The following FAM168A variants were observed in gnomAD, a reference collection of about 807,000 sequenced individuals.
FAM168A encodes the protein protein FAM168A.
FAM168A carries 3 observed loss-of-function variants against 28.5 expected under a neutral mutation model. That is an observed-to-expected ratio of 0.11 (90% CI 0.05 to 0.27). FAM168A has a LOEUF of 0.27. FAM168A is among the 10% of genes least tolerant of loss of function. The probability of loss-of-function intolerance (pLI) is 1.00; values close to 1 mark genes in which losing one functional copy is unlikely to be tolerated. For missense variants in FAM168A, 222 were observed against 311.5 expected, an observed-to-expected ratio of 0.71 and a Z score of 2.16; for synonymous variants, 122 against 124.2, an observed-to-expected ratio of 0.98 and a Z score of 0.12.
At chr11:73,544,973 A>G (rs58223215) in intron 1 of FAM168A, among the ~76,000 whole-genome samples, 5 of 92,198 alleles carry the variant, frequency 5.4e-5, no homozygotes, top group Non-Finnish European at 9.2e-5. Context: ...AATATATATT[A>G]TATAATATAT....
chr11:73,457,824 A>G (rs1187294039), intron 2 of FAM168A, among the ~76,000 whole-genome samples: 1 of 151,784 alleles, frequency 6.6e-6, no homozygotes, highest in Non-Finnish European at 1.5e-5. Flanking sequence ...AGCATAATAA[A>G]CTTTTCATAA....
At chr11:73,585,871 C>CAAAAAAAAAAAAAAAAAAAAAAAAAAAAA (rs11358691) in intron 1 of FAM168A, among the ~76,000 whole-genome samples, 1 of 81,658 alleles carries the variant, frequency 1.2e-5, no homozygotes. Context: ...CCATCTCAAA[C>CAAAAAAAAAAAAAAAAAAAAAAAAAAAAA]AAAAAAAAAA....
chr11:73,522,188 G>T (rs1943389189), intron 1 of FAM168A, among the ~76,000 whole-genome samples: 1 of 101,632 alleles, frequency 9.8e-6, no homozygotes. Flanking sequence ...CTATAAAGGG[G>T]TATCTCTAGT....
At chr11:73,562,991 A>C (rs1236262646) in intron 1 of FAM168A, among the ~76,000 whole-genome samples, 1 of 152,216 alleles carries the variant, frequency 6.6e-6, no homozygotes, top group Non-Finnish European at 1.5e-5. Flanking sequence ...CATAATATAT[A>C]GTATCCTCGT....
At chr11:73,410,818 T>TG (rs1353037530) in intron 5 of FAM168A, 1 of 152,406 alleles carries the variant, frequency 6.6e-6, no homozygotes, top group East Asian at 1.9e-4. Context: ...GAGCCCCATA[T>TG]GGTCCCCTCT....
chr11:73,536,886 A>G (rs578233678), intron 1 of FAM168A, among the ~76,000 whole-genome samples: 1 of 152,318 alleles, frequency 6.6e-6, no homozygotes, highest in Non-Finnish European at 1.5e-5. Context: ...TGAGTGTTCC[A>G]ATGAAGGCAC....
At chr11:73,596,694 C>T (rs1944442285) in intron 1 of FAM168A, among the ~76,000 whole-genome samples, 1 of 152,004 alleles carries the variant, frequency 6.6e-6, no homozygotes, top group South Asian at 2.1e-4. Flanking sequence ...TCTTGGAGGC[C>T]ACCCCAATCC....
chr11:73,587,600 G>A (rs1944330940), intron 1 of FAM168A, among the ~76,000 whole-genome samples: 1 of 152,156 alleles, frequency 6.6e-6, no homozygotes, highest in Non-Finnish European at 1.5e-5. Context: ...GAGGCAGGAG[G>A]AGCACTTGGT....
chr11:73,435,028 G>A (rs1396549399), intron 2 of FAM168A, among the ~76,000 whole-genome samples: 4 of 152,194 alleles, frequency 2.6e-5, no homozygotes, highest in African/African-American at 4.8e-5. Context: ...CTGGTATTCT[G>A]ACTGACAATG....
intron 1 of FAM168A, among the ~76,000 whole-genome samples, chr11:73,572,197 G>A (rs1166988122): frequency 1.3e-5 from 2 of 151,686 alleles, no homozygotes; most frequent in Non-Finnish European, 2.9e-5. Flanking sequence ...GCCCCGTCCG[G>A]GAGGGAGGTC....
intron 1 of FAM168A, among the ~76,000 whole-genome samples, chr11:73,496,414 C>CACCA (rs1565270668): frequency 6.6e-6 from 1 of 152,196 alleles, no homozygotes; most frequent in Admixed American, 6.5e-5. Flanking sequence ...ATTACCTTTG[C>CACCA]ACCAACCTTT....
In FAM168A at chr11:73,405,338, GGAAAAGAGCAGAAACAGGAGCCCAGA is replaced by G. The variant is rs1236421890; in HGVS notation, c.*1399_*1424del. ...AACCCCCGCCTTTGGAGTCCGTGGA[GGAAAAGAGCAGAAACAGGAGCCCAGA>G]GACCATTCCAGACTCACCAGGTATG... On this transcript the variant is annotated 3_prime_UTR_variant, in exon 8 of 8. Coordinates refer to ENST00000356467, the MANE Select transcript of FAM168A (RefSeq NM_015159.3). 6.6e-6 allele frequency: 1 copy of G among 152,206 alleles called. No individual in the cohort carries two copies. The highest frequency in any genetic ancestry group is 2.4e-5 in the African/African-American group (1 of 41,432). The allele number at this position is 152,206 out of a possible 1,614,324, so 9.4% of individuals were successfully genotyped here.
chr11:73,464,187 T>TAA lies in FAM168A; in HGVS notation c.70+4216_70+4217dup, dbSNP rs60981662. ...AAAAACTATCTTCCAGAATTGTTAT[T>TAA]AAAAAAAAAAAAAACACATACGAAG... On this transcript the variant is annotated intron_variant, in intron 2 of 7. Transcript: ENST00000356467. Among the ~76,000 whole-genome samples the TAA allele has an allele frequency of 7.5e-3, 1,027 of 136,572 alleles. 14 individuals are homozygous for TAA. Among genetic ancestry groups the TAA allele is most frequent in the African/African-American group, 0.025 (955 of 37,716 alleles). 89.6% of individuals were successfully genotyped at this position (136,572 alleles called of 152,430 possible).
At chr11:73,410,762 T>G (rs1185146823) in intron 5 of FAM168A, 2 of 152,252 alleles carry the variant, frequency 1.3e-5, no homozygotes, top group Non-Finnish European at 2.9e-5. Flanking sequence ...TCACCACTTA[T>G]GTTTCCTATA....
chr11:73,428,065 CATCT>C (rs1203618676), intron 3 of FAM168A, among the ~76,000 whole-genome samples: 1 of 152,212 alleles, frequency 6.6e-6, no homozygotes, highest in Non-Finnish European at 1.5e-5. Flanking sequence ...ATTCTAAGCA[CATCT>C]ATCTGTGACC....
chr11:73,527,704 G>A (rs1943465419), intron 1 of FAM168A, among the ~76,000 whole-genome samples: 1 of 151,942 alleles, frequency 6.6e-6, no homozygotes, highest in South Asian at 2.1e-4. Flanking sequence ...AGGGGGTTTT[G>A]CCCAGGTGGG....
intron 1 of FAM168A, among the ~76,000 whole-genome samples, chr11:73,477,477 A>C (rs1315716354): frequency 6.6e-6 from 1 of 152,166 alleles, no homozygotes; most frequent in African/African-American, 2.4e-5. Context: ...CACATATTAA[A>C]CTACACATCC....
intron 3 of FAM168A, among the ~76,000 whole-genome samples, chr11:73,425,633 T>A (rs1866873355): frequency 1.3e-5 from 2 of 152,374 alleles, no homozygotes; most frequent in Admixed American, 1.3e-4. Flanking sequence ...CAGGCTGGAA[T>A]GCAGTGGTGC....
At chr11:73,538,871 C>T (rs1943616924) in intron 1 of FAM168A, among the ~76,000 whole-genome samples, 1 of 152,166 alleles carries the variant, frequency 6.6e-6, no homozygotes, top group Non-Finnish European at 1.5e-5. Flanking sequence ...CCACATTCAT[C>T]TAGATTTTTC....
Sources: gnomAD v4.1 joint callset for allele counts (sites outside exome capture counted in the v4.1 genomes callset) on GRCh38, gnomAD v4.1.1 for gene constraint, MANE v1.5 for transcripts, NCBI Gene and HGNC (gene_info 2026-07-23, HGNC 2026-07-21) for gene names.